Variants in IL3RA observed in about 807,000 individuals in gnomAD.
The protein encoded by IL3RA is interleukin 3 receptor subunit alpha.
IL3RA carries 73 observed loss-of-function variants against 52.3 expected under a neutral mutation model. The ratio of observed to expected loss-of-function variants is 1.40; its 90% CI spans 1.16 to 1.70. The LOEUF (loss-of-function observed/expected upper bound fraction) is 1.70. Among genes scored for constraint, IL3RA ranks in the 40% most tolerant of loss-of-function variants. The pLI is 0.00. For missense variants in IL3RA, 664 were observed against 504.4 expected, an observed-to-expected ratio of 1.32 and a Z score of -3.03; for synonymous variants, 260 against 194.0, an observed-to-expected ratio of 1.34 and a Z score of -2.83.
chrX:1,349,080 T>G (rs2085958799), intron 4 of IL3RA, among the ~76,000 whole-genome samples: 1 of 149,520 alleles, frequency 6.7e-6, no homozygotes, highest in South Asian at 2.2e-4. Context: ...CAATCACAGC[T>G]TACTGCAGGC....
chrX:1,347,771 G>C (rs1182017666), intron 3 of IL3RA, among the ~76,000 whole-genome samples: 12 of 151,974 alleles, frequency 7.9e-5, no homozygotes, highest in African/African-American at 2.9e-4. Context: ...GGGCGCGGTG[G>C]CTCACGCCTG....
chrX:1,360,132 CGT>C (rs1458278372), intron 8 of IL3RA, among the ~76,000 whole-genome samples: 1 of 116,014 alleles, frequency 8.6e-6, no homozygotes, highest in Non-Finnish European at 1.8e-5. Flanking sequence ...TCTCTTTCTC[CGT>C]GTCTGTCTCT....
At chrX:1,339,669 G>C (rs1414327531) in intron 1 of IL3RA, among the ~76,000 whole-genome samples, 1 of 152,072 alleles carries the variant, frequency 6.6e-6, no homozygotes. Flanking sequence ...GCGGACACCG[G>C]TAATCCCATC....
intron 11 of IL3RA, among the ~76,000 whole-genome samples, chrX:1,381,538 A>ATT (rs555777406): frequency 2.8e-4 from 39 of 140,136 alleles, no homozygotes; most frequent in Admixed American, 1.0e-3. Flanking sequence ...AGCAGAGCAG[A>ATT]TTTTTTTTTT....
intron 9 of IL3RA, among the ~76,000 whole-genome samples, chrX:1,377,972 G>A (rs1413305460): frequency 6.6e-6 from 1 of 150,968 alleles, no homozygotes; most frequent in Non-Finnish European, 1.5e-5. Flanking sequence ...GATCACTTGA[G>A]GTCAGGAGTT....
chrX:1,340,572 A>ACT (rs202014383), intron 1 of IL3RA, among the ~76,000 whole-genome samples: 14,648 of 152,066 alleles, frequency 0.096, 935 homozygotes, highest in African/African-American at 0.19. Flanking sequence ...ACACATACAG[A>ACT]CTCATGCATG....
chrX:1,358,022 GT>G (rs2086871566), intron 7 of IL3RA, among the ~76,000 whole-genome samples: 1 of 151,038 alleles, frequency 6.6e-6, no homozygotes, highest in African/African-American at 2.4e-5. Flanking sequence ...GGAGAATGGC[GT>G]AAACCCAGAA....
intron 2 of IL3RA, 83 bp from the exon 3 acceptor site, chrX:1,345,233 C>CCA: frequency 4.4e-6 from 3 of 682,780 alleles, no homozygotes; most frequent in Non-Finnish European, 7.2e-6. Context: ...ACTCCACGGG[C>CCA]AAAAAAAAAA....
Position 1,352,201 on chromosome X carries a change from G to C in IL3RA, c.400G>C (p.Val134Leu). The change falls in exon 5 of 12, where the codon GTC becomes CTC. Residue 134 changes from valine to leucine, a missense_variant. Val to Leu is a conservative substitution (Grantham distance 32, BLOSUM62 1). Coordinates refer to ENST00000331035, the MANE Select transcript of IL3RA (RefSeq NM_002183.4). ...GGTAGGCCCGGGGGCCCCCGCGGACGTCCAGTACGACCTGTACTTGAACGT... is the reference window on the plus strand; with the variant it reads ...GGTAGGCCCGGGGGCCCCCGCGGACCTCCAGTACGACCTGTACTTGAACGT... ...WAVGPGAPAD[V>L]QYDLYLNVAN... 1.2e-6 allele frequency: 2 copies of C among 1,613,768 alleles called. No individual in the cohort carries two copies. The highest frequency in any genetic ancestry group is 2.7e-5 in the African/African-American group (2 of 75,058).
chrX:1,344,643 G>C (rs1165313281), intron 2 of IL3RA, among the ~76,000 whole-genome samples: 1 of 150,324 alleles, frequency 6.7e-6, no homozygotes, highest in South Asian at 2.1e-4. Flanking sequence ...CGTGGTGGTG[G>C]GCTCCTGTAA....
intron 1 of IL3RA, among the ~76,000 whole-genome samples, chrX:1,341,499 TACAC>T (rs2085490863): frequency 6.6e-6 from 1 of 151,940 alleles, no homozygotes; most frequent in Admixed American, 6.6e-5. Context: ...TAGACCCATG[TACAC>T]ACACACGAAT....
intron 9 of IL3RA, among the ~76,000 whole-genome samples, chrX:1,377,076 C>CA (rs748082892): frequency 1.2e-3 from 174 of 141,366 alleles, no homozygotes; most frequent in African/African-American, 4.6e-3. Flanking sequence ...AGGACACAGA[C>CA]ACACACCAAG....
chrX:1,382,638 A>C lies in IL3RA; in HGVS notation c.*173A>C. 1.5e-6 allele frequency: 1 copy of C among 651,916 alleles called. No homozygotes were observed. The highest frequency in any genetic ancestry group is 2.8e-6 in the Non-Finnish European group (1 of 358,412). The allele number at this position is 651,916 out of a possible 1,614,324, so 40.4% of individuals were successfully genotyped here. On this transcript the variant is annotated 3_prime_UTR_variant, in exon 12 of 12. Coordinates refer to ENST00000331035, the MANE Select transcript of IL3RA (RefSeq NM_002183.4). ...GTCCGAAGCTGCCAGGAAGAAGAAC[A>C]GAACTTTGTGTGTTTATTTCATGAT...
At chrX:1,346,420 C>G (rs17885742) in intron 3 of IL3RA, among the ~76,000 whole-genome samples, 1 of 151,190 alleles carries the variant, frequency 6.6e-6, no homozygotes, top group African/African-American at 2.4e-5. Flanking sequence ...GCCTGGGGGA[C>G]GAGAGCAAGA....
intron 8 of IL3RA, among the ~76,000 whole-genome samples, chrX:1,363,500 C>CCG (rs1342861492): frequency 6.6e-6 from 1 of 151,120 alleles, no homozygotes; most frequent in African/African-American, 2.4e-5. Flanking sequence ...CGGGGTTTCA[C>CCG]TGTGGTCTCG....
At position 1,341,770 on chromosome X, in the gene IL3RA, T is replaced by G; in HGVS notation, c.5T>G (p.Val2Gly). 1 of 1,613,900 alleles carries G rather than the reference T, an allele frequency of 6.2e-7. No individual in the cohort carries two copies. The highest frequency in any genetic ancestry group is 1.1e-5 in the South Asian group (1 of 91,074). M[V>G]LLWLTLLLIA... Reference sequence around the variant, plus strand: ...CGTTCCGGAGCTGCGTTCCCGATGGTCCTCCTTTGGCTCACGCTGCTCCTG... The same window carrying G: ...CGTTCCGGAGCTGCGTTCCCGATGGGCCTCCTTTGGCTCACGCTGCTCCTG... The change falls in exon 2 of 12, where the codon GTC (valine) becomes GGC (glycine). Residue 2 changes from valine to glycine, a missense_variant. Coordinates refer to ENST00000331035, the MANE Select transcript of IL3RA (RefSeq NM_002183.4).
chrX:1,349,608 G>C (rs1433633749), intron 4 of IL3RA, among the ~76,000 whole-genome samples: 1 of 152,002 alleles, frequency 6.6e-6, no homozygotes, highest in Non-Finnish European at 1.5e-5. Context: ...CACCACGCCT[G>C]GCCTCTTCTT....
rs1298432393 is a variant in IL3RA at position 1,360,039 on chromosome X, CTCTCTG to C, written c.759+1156_759+1161del. Among the ~76,000 whole-genome samples, 5 of 149,642 alleles carry C rather than the reference CTCTCTG, an allele frequency of 3.3e-5. 1 individual carries two copies. The highest frequency in any genetic ancestry group is 5.9e-5 in the Non-Finnish European group (4 of 67,464). ...TATCTTCCCTTCTCCCCATCTCTCT[CTCTCTG>C]TCTGTCTCTGTATCTCTCTCCCTTT... On this transcript the variant is annotated intron_variant, in intron 8 of 11. Transcript: ENST00000331035.
intron 2 of IL3RA, among the ~76,000 whole-genome samples, chrX:1,343,598 C>T (rs1465023713): frequency 1.5e-4 from 20 of 133,512 alleles, no homozygotes; most frequent in African/African-American, 3.7e-4. Context: ...ACCCGGGAGG[C>T]GGAGGTTGCC....
Sources: allele counts gnomAD v4.1 joint callset (sites outside exome capture counted in the v4.1 genomes callset), GRCh38; gene constraint gnomAD v4.1.1; transcripts MANE v1.5; gene names NCBI Gene and HGNC (gene_info 2026-07-23, HGNC 2026-07-21).